Variants in NHEJ1 observed in about 807,000 individuals in gnomAD.
NHEJ1 encodes the protein non-homologous end joining factor 1.
NHEJ1 carries 22 observed loss-of-function variants against 39.4 expected under a neutral mutation model. The ratio of observed to expected loss-of-function variants is 0.56; its 90% CI spans 0.40 to 0.80. The LOEUF (loss-of-function observed/expected upper bound fraction) is 0.80, where lower values mean the gene tolerates loss of function less well. Ranked by LOEUF, NHEJ1 falls within the 30% of genes least tolerant of loss-of-function variation. NHEJ1 has a pLI of 0.00. For synonymous variants in NHEJ1, 154 were observed against 135.6 expected (o/e 1.14, Z -0.94); for missense variants, 329 against 357.1 (o/e 0.92, Z 0.63).
chr2:219,080,654 A>AGC (rs1949057375), intron 5 of NHEJ1, among the ~76,000 whole-genome samples: 1 of 108,976 alleles, frequency 9.2e-6, no homozygotes, highest in Admixed American at 8.6e-5. Context: ...TATATATGCT[A>AGC]ATATATATAA....
At chr2:219,142,283 C>T (rs921168408) in intron 5 of NHEJ1, among the ~76,000 whole-genome samples, 1 of 152,204 alleles carries the variant, frequency 6.6e-6, no homozygotes, top group Non-Finnish European at 1.5e-5. Flanking sequence ...GGGACCCCTA[C>T]CAAAGGAAGC....
At position 219,157,604 on chromosome 2, in the gene NHEJ1, G is replaced by A. The variant is rs113689741; in HGVS notation, c.258C>T (p.Asp86=). The A allele has an allele frequency of 4.6e-4, 749 of 1,614,154 alleles. 2 individuals are homozygous for A. In the African/African-American group the frequency reaches 8.3e-3, roughly 18 times the overall value. The change falls in exon 3 of 8, where the codon GAC becomes GAT. Residue 86 remains aspartate (D), a synonymous_variant. Transcript: ENST00000356853. ...LDNLLRPLLK[D]AAHPSEATFS... ...AGGTAGCTTCGCTAGGGTGAGCAGC[G>A]TCCTTCAACAATGGGCGAAGGAGAT... is the stretch of plus-strand genomic sequence containing the variant.
intron 5 of NHEJ1, among the ~76,000 whole-genome samples, chr2:219,105,394 T>A (rs1444988899): frequency 1.3e-5 from 2 of 152,088 alleles, no homozygotes; most frequent in Non-Finnish European, 2.9e-5. Flanking sequence ...CAGTAAGACA[T>A]GTGGTTAATT....
intron 5 of NHEJ1, among the ~76,000 whole-genome samples, chr2:219,078,546 C>G (rs1197060058): frequency 1.3e-5 from 2 of 152,114 alleles, no homozygotes; most frequent in Admixed American, 6.5e-5. Flanking sequence ...TTTCCCTGAG[C>G]TGAACAAATT....
intron 3 of NHEJ1, 53 bp downstream of exon 3, chr2:219,157,419 C>T (rs1949864320): frequency 3.3e-6 from 5 of 1,502,764 alleles, no homozygotes; most frequent in Admixed American, 1.7e-5. Context: ...CTAAAGCTTC[C>T]TCTCAAAGCA....
At chr2:219,097,174 G>C (rs890283477) in intron 5 of NHEJ1, among the ~76,000 whole-genome samples, 1 of 152,182 alleles carries the variant, frequency 6.6e-6, no homozygotes, top group Non-Finnish European at 1.5e-5. Context: ...TGTTCTATAG[G>C]TTAAGTGTAT....
chr2:219,129,951 C>G (rs1042279897), intron 5 of NHEJ1, among the ~76,000 whole-genome samples: 1 of 149,608 alleles, frequency 6.7e-6, no homozygotes, highest in Admixed American at 6.7e-5. Flanking sequence ...TTTCCCCAAA[C>G]AGACTAGCCT....
At chr2:219,152,029 A>C (rs979309052) in intron 3 of NHEJ1, among the ~76,000 whole-genome samples, 3 of 152,188 alleles carry the variant, frequency 2.0e-5, no homozygotes, top group Non-Finnish European at 4.4e-5. Flanking sequence ...AGACACTATA[A>C]GGAAAAATCT....
At chr2:219,109,942 AT>A (rs1234579795) in intron 5 of NHEJ1, among the ~76,000 whole-genome samples, 1 of 152,172 alleles carries the variant, frequency 6.6e-6, no homozygotes. Flanking sequence ...CATATCAAAA[AT>A]TTTTTGGTAA....
chr2:219,081,050 G>C (rs955952054), intron 5 of NHEJ1, among the ~76,000 whole-genome samples: 3 of 152,104 alleles, frequency 2.0e-5, no homozygotes, highest in African/African-American at 7.2e-5. Context: ...TCACATCCCA[G>C]ATCACCTGCC....
chr2:219,117,972 T>G (rs1949431918), intron 5 of NHEJ1, among the ~76,000 whole-genome samples: 1 of 152,218 alleles, frequency 6.6e-6, no homozygotes, highest in African/African-American at 2.4e-5. Flanking sequence ...TCCTATTCCT[T>G]CTCCATGCAA....
intron 5 of NHEJ1, among the ~76,000 whole-genome samples, chr2:219,144,754 C>T (rs1394545812): frequency 1.3e-5 from 2 of 152,054 alleles, no homozygotes; most frequent in African/African-American, 2.4e-5. Flanking sequence ...AAGAACAAGC[C>T]TTGCATTGTT....
intron 5 of NHEJ1, among the ~76,000 whole-genome samples, chr2:219,134,866 C>T (rs113177382): frequency 6.6e-5 from 10 of 151,256 alleles, no homozygotes; most frequent in Non-Finnish European, 1.3e-4. Context: ...GGTGAAACCC[C>T]GTCTCTACTA....
chr2:219,110,216 C>T (rs867132947), intron 5 of NHEJ1, among the ~76,000 whole-genome samples: 11 of 152,092 alleles, frequency 7.2e-5, no homozygotes, highest in African/African-American at 1.9e-4. Context: ...GTAAAATCAA[C>T]GTAATTAAAA....
chr2:219,097,022 T>C (rs751794607), intron 5 of NHEJ1, among the ~76,000 whole-genome samples: 5 of 152,142 alleles, frequency 3.3e-5, no homozygotes, highest in South Asian at 2.1e-4. Context: ...GGCTTTACAA[T>C]GGTGTGAAAG....
At chr2:219,136,481 GT>G (rs1455765847) in intron 5 of NHEJ1, among the ~76,000 whole-genome samples, 1 of 152,024 alleles carries the variant, frequency 6.6e-6, no homozygotes, top group Non-Finnish European at 1.5e-5. Context: ...TAGAGATGGA[GT>G]TTCGCCATGT....
intron 5 of NHEJ1, among the ~76,000 whole-genome samples, chr2:219,135,081 A>G (rs1376105686): frequency 6.7e-6 from 1 of 148,998 alleles, no homozygotes; most frequent in Non-Finnish European, 1.5e-5. Flanking sequence ...TGTGAAAAAA[A>G]TCTTCATCTT....
At chr2:219,110,006 T>C (rs1481180377) in intron 5 of NHEJ1, among the ~76,000 whole-genome samples, 1 of 152,206 alleles carries the variant, frequency 6.6e-6, no homozygotes, top group Admixed American at 6.5e-5. Context: ...TCTCCCCGAT[T>C]GGGTATGTAC....
intron 5 of NHEJ1, among the ~76,000 whole-genome samples, chr2:219,115,523 C>T (rs1033394702): frequency 7.2e-5 from 11 of 152,114 alleles, no homozygotes; most frequent in East Asian, 3.8e-4. Flanking sequence ...AAATATGTAT[C>T]GATCAGCCAC....
Sources: gnomAD v4.1 joint callset for allele counts (sites outside exome capture counted in the v4.1 genomes callset) on GRCh38, gnomAD v4.1.1 for gene constraint, MANE v1.5 for transcripts, NCBI Gene and HGNC (gene_info 2026-07-23, HGNC 2026-07-21) for gene names.